Variants in CD2AP observed in about 807,000 individuals in gnomAD.
CD2AP encodes CD2-associated protein.
A neutral mutation model predicts 85.1 loss-of-function variants in CD2AP; 46 were observed. The observed-to-expected ratio is 0.54, with a 90% CI of 0.43 to 0.69. The LOEUF (loss-of-function observed/expected upper bound fraction) is 0.69. CD2AP is among the 30% of genes least tolerant of loss of function. The pLI is 0.00. For missense variants in CD2AP, 769 were observed against 729.5 expected (o/e 1.05, Z -0.62); for synonymous variants, 255 against 252.9 (o/e 1.01, Z -0.08).
chr6:47,525,927 T>A (rs968220161), intron 2 of CD2AP, among the ~76,000 whole-genome samples: 1 of 152,192 alleles, frequency 6.6e-6, no homozygotes, highest in Non-Finnish European at 1.5e-5. Flanking sequence ...CAGAGTTTGC[T>A]TTGACTATAC....
At position 47,554,688 on chromosome 6, in the gene CD2AP, G is replaced by A; in HGVS notation, c.463G>A (p.Gly155Arg). The A allele has an allele frequency of 6.2e-7, 1 of 1,613,476 alleles. No individual in the cohort carries two copies. Among genetic ancestry groups the A allele is most frequent in the Non-Finnish European group, 8.5e-7 (1 of 1,179,584 alleles). Reference protein sequence around the residue: ...WWSGTLNNKLGLFPSNFVKEL... With the variant: ...WWSGTLNNKLRLFPSNFVKEL... ...GAGTGGAACCCTGAATAACAAGTTG[G>A]GACTGTTTCCCTCAAATTTTGTGAA... Residue 155 changes from glycine (G) to arginine (R), a missense_variant, in exon 5 of 18, where the codon GGA becomes AGA. Physicochemically the swap from Gly to Arg is moderately radical, Grantham distance 125. Transcript: ENST00000359314.
intron 1 of CD2AP, among the ~76,000 whole-genome samples, chr6:47,488,735 A>AC (rs1472941571): frequency 6.6e-6 from 1 of 151,268 alleles, no homozygotes; most frequent in Non-Finnish European, 1.5e-5. Flanking sequence ...AAAAAAAAAA[A>AC]AAAGAGATAG....
intron 11 of CD2AP, among the ~76,000 whole-genome samples, chr6:47,591,170 G>C (rs147747925): frequency 6.6e-6 from 1 of 152,248 alleles, no homozygotes; most frequent in Admixed American, 6.5e-5. Context: ...ATGAATCTTA[G>C]GATTTCGTTG....
At chr6:47,559,803 C>T (rs775730089) in intron 5 of CD2AP, among the ~76,000 whole-genome samples, 3 of 152,034 alleles carry the variant, frequency 2.0e-5, no homozygotes, top group Non-Finnish European at 4.4e-5. Flanking sequence ...TTGTATGGAG[C>T]CTGCAGAAGA....
chr6:47,574,364 TA>T, intron 6 of CD2AP, 113 bp downstream of exon 6: 1 of 987,374 alleles, frequency 1.0e-6, no homozygotes, highest in South Asian at 1.4e-5. Context: ...AGATCACTAA[TA>T]ATTTGGTTAT....
chr6:47,600,861 T>C (rs1386306506), intron 13 of CD2AP, among the ~76,000 whole-genome samples: 1 of 151,880 alleles, frequency 6.6e-6, no homozygotes, highest in Non-Finnish European at 1.5e-5. Context: ...ATTTTAACTC[T>C]GGAAACAAAA....
At chr6:47,545,405 C>G (rs1767337835) in intron 4 of CD2AP, among the ~76,000 whole-genome samples, 1 of 152,154 alleles carries the variant, frequency 6.6e-6, no homozygotes, top group Non-Finnish European at 1.5e-5. Flanking sequence ...ACCTAATGGT[C>G]CTTTCCTACC....
intron 6 of CD2AP, among the ~76,000 whole-genome samples, chr6:47,576,202 A>T (rs960097930): frequency 3.6e-4 from 55 of 152,092 alleles, no homozygotes; most frequent in African/African-American, 1.3e-3. Flanking sequence ...TGGCCTCCCT[A>T]AGTGTTGGGA....
chr6:47,508,170 T>C (rs4601128), intron 2 of CD2AP, among the ~76,000 whole-genome samples: 150,970 of 152,384 alleles, frequency 0.99, 74,802 homozygotes, highest in Middle Eastern at 1. Context: ...TAGGCTTTGA[T>C]TTCTTTCTAC....
At chr6:47,576,678 C>A in intron 7 of CD2AP, 76 bp downstream of exon 7, 1 of 1,068,538 alleles carries the variant, frequency 9.4e-7, no homozygotes, top group Non-Finnish European at 1.4e-6. Flanking sequence ...TTGTTGGAAG[C>A]ATTTGTTACA....
Position 47,554,780 on chromosome 6 carries a change from T to A in CD2AP, c.541+14T>A, listed in dbSNP as rs766983546. 5.7e-6 allele frequency: 9 copies of A among 1,589,766 alleles called. No individual in the cohort carries two copies. Among genetic ancestry groups the A allele is most frequent in the Non-Finnish European group, 7.7e-6 (9 of 1,166,186 alleles). On this transcript the variant is annotated intron_variant, in intron 5 of 17. Transcript: ENST00000359314. ...AGGACGATTCAGGTAGACTATTTTT[T>A]AAAATTTTTAATTGATTTAAATAAA...
At chr6:47,545,780 C>T (rs11969736) in intron 4 of CD2AP, among the ~76,000 whole-genome samples, 50,874 of 151,956 alleles carry the variant, frequency 0.33, 9,349 homozygotes, top group Middle Eastern at 0.53. Context: ...CAGTTCAACT[C>T]TCAGGAAGCC....
chr6:47,546,869 C>CAAATTT (rs1365326981), intron 4 of CD2AP, among the ~76,000 whole-genome samples: 1 of 152,156 alleles, frequency 6.6e-6, no homozygotes, highest in Non-Finnish European at 1.5e-5. Flanking sequence ...GATTTTCTAT[C>CAAATTT]TTGAGCCTCC....
In CD2AP at chr6:47,607,976, G is replaced by A. The variant is rs142570426; in HGVS notation, c.1580G>A (p.Ser527Asn). 67 of 1,612,912 alleles carry A rather than the reference G, an allele frequency of 4.2e-5. No individual in the cohort carries two copies. The African/African-American group carries it at 8.0e-4, about 19-fold the overall frequency. ...TTGAAGTTACCAAAAGAAGAAGACA[G>A]TGCCAACCTGAAGCCATCTGAATTA... Reference protein sequence around the residue: ...KILKLPKEEDSANLKPSELKK... With the variant: ...KILKLPKEEDNANLKPSELKK... The change falls in exon 15 of 18, where the codon AGT (serine) becomes AAT (asparagine). Residue 527 changes from serine to asparagine, a missense_variant. Coordinates refer to ENST00000359314, the MANE Select transcript of CD2AP (RefSeq NM_012120.3).
At chr6:47,577,225 TG>T in intron 8 of CD2AP, 122 bp downstream of exon 8, 1 of 651,376 alleles carries the variant, frequency 1.5e-6, no homozygotes, top group Non-Finnish European at 2.8e-6. Flanking sequence ...GCTGGGACTT[TG>T]TCTTGTTTCT....
In CD2AP at chr6:47,530,195, T is replaced by A. The variant is rs934648820; in HGVS notation, c.166-3407T>A. Among the ~76,000 whole-genome samples the A allele has an allele frequency of 5.3e-5, 8 of 152,346 alleles. No individual in the cohort carries two copies. In the East Asian group the frequency reaches 1.4e-3, roughly 26 times the overall value. ...TATAGCATTTATCATGAACATTTTT[T>A]AAAATGACCTTTATTGAAGTATAAT... On this transcript the variant is annotated intron_variant, in intron 2 of 17. Transcript: ENST00000359314.
chr6:47,519,277 C>T (rs1207504084), intron 2 of CD2AP, among the ~76,000 whole-genome samples: 3 of 152,112 alleles, frequency 2.0e-5, no homozygotes, highest in East Asian at 1.9e-4. Context: ...AAGATTTGGC[C>T]AGTAAAACAC....
chr6:47,478,001 C>G lies in CD2AP; in HGVS notation c.-244C>G. 1 of 586,402 alleles carries G rather than the reference C, an allele frequency of 1.7e-6. No homozygotes were observed. Among genetic ancestry groups the G allele is most frequent in the Non-Finnish European group, 3.0e-6 (1 of 331,612 alleles). The allele number at this position is 586,402 out of a possible 1,614,324, so 36.3% of individuals were successfully genotyped here. A position where few individuals can be genotyped will look rare whatever the true frequency, so the allele number is the denominator to read the frequency against. ...GGGTAGGGCCCTCCCGCCGCCGTGG[C>G]TCCTGGGGAGGCCAGGGGTGAGGAG... On this transcript the variant is annotated 5_prime_UTR_variant, in exon 1 of 18. Coordinates refer to ENST00000359314, the MANE Select transcript of CD2AP (RefSeq NM_012120.3).
At chr6:47,567,100 C>A (rs1204940804) in intron 5 of CD2AP, among the ~76,000 whole-genome samples, 3 of 144,822 alleles carry the variant, frequency 2.1e-5, no homozygotes, top group African/African-American at 7.6e-5. Context: ...TTTTTTTTAA[C>A]TTTACTATGC....
Sources: gnomAD v4.1 joint callset for allele counts (sites outside exome capture counted in the v4.1 genomes callset) on GRCh38, gnomAD v4.1.1 for gene constraint, MANE v1.5 for transcripts, NCBI Gene and HGNC (gene_info 2026-07-23, HGNC 2026-07-21) for gene names.